AOPEP: variants seen among roughly 807,000 people sequenced by gnomAD.
AOPEP encodes the protein aminopeptidase O (putative).
AOPEP carries 77 observed loss-of-function variants against 98.1 expected under a neutral mutation model. The ratio of observed to expected loss-of-function variants is 0.78; its 90% CI spans 0.65 to 0.95. The LOEUF (loss-of-function observed/expected upper bound fraction) is 0.95. Ranked by LOEUF, AOPEP falls within the 40% of genes least tolerant of loss-of-function variation. AOPEP has a pLI of 0.00. For missense variants in AOPEP, 1,024 were observed against 1,024.7 expected (o/e 1.00, Z 0.01); for synonymous variants, 346 against 365.3 (o/e 0.95, Z 0.60).
chr9:95,043,249 GAT>G (rs200156115), intron 13 of AOPEP, among the ~76,000 whole-genome samples: 6 of 28,544 alleles, frequency 2.1e-4, no homozygotes, highest in Admixed American at 5.1e-4. Flanking sequence ...GATATATACA[GAT>G]ATATATATAC....
intron 1 of AOPEP, among the ~76,000 whole-genome samples, chr9:94,756,634 A>G (rs921653356): frequency 5.3e-5 from 8 of 152,146 alleles, no homozygotes; most frequent in Admixed American, 3.9e-4. Context: ...CCCACTTCTC[A>G]TGTTTCCTTC....
intron 5 of AOPEP, among the ~76,000 whole-genome samples, chr9:94,922,366 ACCCTG>A (rs894609141): frequency 2.6e-5 from 4 of 152,084 alleles, no homozygotes; most frequent in Non-Finnish European, 4.4e-5. Flanking sequence ...CTGGCTGCAG[ACCCTG>A]CCCACGCAGG....
At chr9:94,974,655 T>C (rs918088736) in intron 10 of AOPEP, among the ~76,000 whole-genome samples, 2 of 152,064 alleles carry the variant, frequency 1.3e-5, no homozygotes, top group Non-Finnish European at 2.9e-5. Context: ...GGAGCCAGGC[T>C]GTCTTCAGCA....
intron 9 of AOPEP, among the ~76,000 whole-genome samples, chr9:94,959,551 A>G (rs1188926968): frequency 6.6e-6 from 1 of 152,154 alleles, no homozygotes; most frequent in Non-Finnish European, 1.5e-5. Context: ...TTGTGCTAGT[A>G]TCATATTGTC....
At chr9:94,952,503 T>C (rs1039031726) in intron 7 of AOPEP, among the ~76,000 whole-genome samples, 1 of 152,208 alleles carries the variant, frequency 6.6e-6, no homozygotes, top group African/African-American at 2.4e-5. Context: ...TTGGATTTCA[T>C]TGACATGGAC....
rs554119369 is a variant in AOPEP at position 94,896,132 on chromosome 9, A to G, written c.1365-27854A>G. Among the ~76,000 whole-genome samples, 177 of 152,342 alleles carry G rather than the reference A, an allele frequency of 1.2e-3. 1 individual carries two copies. The highest frequency in any genetic ancestry group is 3.9e-3 in the African/African-American group (162 of 41,572). ...GAGGATGCATAGGAAAACCAAGATGATCAACTGAATGGAAAATAGAAACAA... is the reference window on the plus strand; with the variant it reads ...GAGGATGCATAGGAAAACCAAGATGGTCAACTGAATGGAAAATAGAAACAA... On this transcript the variant is annotated intron_variant, in intron 5 of 16. Transcript: ENST00000375315.
chr9:94,891,649 C>T (rs1225623191), intron 5 of AOPEP, among the ~76,000 whole-genome samples: 5 of 152,008 alleles, frequency 3.3e-5, no homozygotes, highest in Admixed American at 2.6e-4. Context: ...ATACCTTTAC[C>T]CTCCTCACTT....
intron 1 of AOPEP, among the ~76,000 whole-genome samples, chr9:94,742,083 A>T (rs924691392): frequency 6.6e-6 from 1 of 152,186 alleles, no homozygotes; most frequent in African/African-American, 2.4e-5. Flanking sequence ...CCACACAGGG[A>T]GTCTTATTTA....
downstream of AOPEP, among the ~76,000 whole-genome samples, chr9:95,088,973 C>T (rs1374042216): frequency 6.6e-6 from 1 of 152,242 alleles, no homozygotes; most frequent in East Asian, 1.9e-4. Flanking sequence ...GGCACCCTGC[C>T]CGTGCTGGGG....
chr9:94,926,808 G>T (rs2054416294), intron 6 of AOPEP, among the ~76,000 whole-genome samples: 1 of 145,526 alleles, frequency 6.9e-6, no homozygotes, highest in Non-Finnish European at 1.5e-5. Context: ...GCCGGGGGTG[G>T]GTTGCGGGGG....
intron 3 of AOPEP, among the ~76,000 whole-genome samples, chr9:94,791,490 A>G (rs1247594988): frequency 6.7e-6 from 1 of 149,338 alleles, no homozygotes; most frequent in Non-Finnish European, 1.5e-5. Flanking sequence ...CAACATAGTG[A>G]GAACCTGTCT....
intron 5 of AOPEP, among the ~76,000 whole-genome samples, chr9:94,902,169 G>A (rs1054421898): frequency 6.6e-6 from 1 of 152,114 alleles, no homozygotes; most frequent in Non-Finnish European, 1.5e-5. Context: ...GGAAAAACAC[G>A]GTTTAGCTTT....
At chr9:94,876,922 G>A (rs764286795) in intron 5 of AOPEP, among the ~76,000 whole-genome samples, 72 of 152,200 alleles carry the variant, frequency 4.7e-4, no homozygotes, top group Non-Finnish European at 5.1e-4. Context: ...ACCCCTGGGA[G>A]GTCTGACTGT....
chr9:95,063,803 T>C (rs2067565070), intron 14 of AOPEP, among the ~76,000 whole-genome samples: 1 of 152,126 alleles, frequency 6.6e-6, no homozygotes, highest in African/African-American at 2.4e-5. Context: ...GGGGTGCTGC[T>C]TCACTGGAGG....
At chr9:94,759,087 C>A (rs1213409268) in intron 1 of AOPEP, among the ~76,000 whole-genome samples, 2 of 152,072 alleles carry the variant, frequency 1.3e-5, no homozygotes, top group African/African-American at 4.8e-5. Flanking sequence ...AGAATGCACT[C>A]CTGGTAAATT....
chr9:94,858,090 A>C (rs2135361807), intron 5 of AOPEP, among the ~76,000 whole-genome samples: 1 of 152,110 alleles, frequency 6.6e-6, no homozygotes, highest in Non-Finnish European at 1.5e-5. Flanking sequence ...TTTGAAAAAA[A>C]AAAAAAACAA....
chr9:94,864,154 G>A (rs139066673), intron 5 of AOPEP, among the ~76,000 whole-genome samples: 1 of 152,260 alleles, frequency 6.6e-6, no homozygotes, highest in African/African-American at 2.4e-5. Context: ...GCTATGTTCT[G>A]TGGTAATTAT....
chr9:94,837,277 C>CA (rs1049067722), intron 5 of AOPEP, among the ~76,000 whole-genome samples: 3 of 151,946 alleles, frequency 2.0e-5, no homozygotes, highest in Non-Finnish European at 4.4e-5. Flanking sequence ...AAATTACCAA[C>CA]AAAAAAAGTC....
At chr9:94,844,302 G>GC (rs772810471) in intron 5 of AOPEP, among the ~76,000 whole-genome samples, 70 of 152,118 alleles carry the variant, frequency 4.6e-4, no homozygotes, top group Non-Finnish European at 7.8e-4. Flanking sequence ...TTTTTGAGAA[G>GC]CCCCCCATAC....
Sources: allele counts gnomAD v4.1 joint callset (sites outside exome capture counted in the v4.1 genomes callset), GRCh38; gene constraint gnomAD v4.1.1; transcripts MANE v1.5; gene names NCBI Gene and HGNC (gene_info 2026-07-23, HGNC 2026-07-21).